The following HP1BP3 variants were observed in gnomAD, a reference collection of about 807,000 sequenced individuals.
HP1BP3 encodes the protein heterochromatin protein 1 binding protein 3.
Under a neutral mutation model 62.5 loss-of-function variants are expected in HP1BP3, and 12 were observed. The observed-to-expected ratio is 0.19, with a 90% confidence interval of 0.12 to 0.31. HP1BP3 has a LOEUF of 0.31. Ranked by LOEUF, HP1BP3 falls within the 10% of genes least tolerant of loss-of-function variation. The probability of loss-of-function intolerance (pLI) is 1.00; values close to 1 mark genes in which losing one functional copy is unlikely to be tolerated. For synonymous variants in HP1BP3, 260 were observed against 237.8 expected (o/e 1.09, Z -0.86); for missense variants, 502 against 651.8 (o/e 0.77, Z 2.50).
At chr1:20,747,416 C>T in intron 11 of HP1BP3, 128 bp downstream of exon 11, 3 of 631,226 alleles carry the variant, frequency 4.8e-6, no homozygotes, top group Middle Eastern at 3.8e-4. Flanking sequence ...GTAACCAATC[C>T]CCTATATGTA....
chr1:20,773,372 G>T, intron 5 of HP1BP3, 79 bp downstream of exon 5: 1 of 1,272,290 alleles, frequency 7.9e-7, no homozygotes, highest in Non-Finnish European at 1.1e-6. Context: ...ATGATGTCTA[G>T]ACAGATATAT....
chr1:20,765,346 AT>A, intron 8 of HP1BP3, 30 bp downstream of exon 8: 2 of 1,489,994 alleles, frequency 1.3e-6, no homozygotes, highest in Non-Finnish European at 1.8e-6. Flanking sequence ...GTAACACATC[AT>A]GTTTTAAAGG....
intron 8 of HP1BP3, among the ~76,000 whole-genome samples, chr1:20,759,391 A>G (rs1208710917): frequency 6.6e-6 from 1 of 152,158 alleles, no homozygotes; most frequent in Non-Finnish European, 1.5e-5. Flanking sequence ...CAACAAGAGC[A>G]AAACTCTGTC....
intron 3 of HP1BP3, 71 bp downstream of exon 3, chr1:20,779,741 G>T: frequency 9.4e-6 from 8 of 855,166 alleles, no homozygotes; most frequent in African/African-American, 1.8e-5. Flanking sequence ...TAAGTTCAAA[G>T]GAATTTATGG....
At chr1:20,781,563 G>C (rs1325931129) in intron 1 of HP1BP3, among the ~76,000 whole-genome samples, 1 of 152,190 alleles carries the variant, frequency 6.6e-6, no homozygotes, top group Non-Finnish European at 1.5e-5. Context: ...TCAGTCAGCT[G>C]AAAGAATTCA....
intron 11 of HP1BP3, among the ~76,000 whole-genome samples, chr1:20,746,554 G>A (rs906121391): frequency 6.6e-6 from 1 of 152,128 alleles, no homozygotes; most frequent in Non-Finnish European, 1.5e-5. Flanking sequence ...AAATCAAAAG[G>A]CTTTAAACCC....
intron 11 of HP1BP3, among the ~76,000 whole-genome samples, chr1:20,746,947 C>T (rs574384880): frequency 4.6e-5 from 7 of 152,196 alleles, no homozygotes; most frequent in East Asian, 1.9e-4. Context: ...GCCCAGGAGG[C>T]GGAGATTGCA....
intron 8 of HP1BP3, among the ~76,000 whole-genome samples, chr1:20,763,872 G>A (rs2056621234): frequency 6.6e-6 from 1 of 152,246 alleles, no homozygotes; most frequent in Admixed American, 6.5e-5. Context: ...TATATATGAT[G>A]TATATGTATG....
At chr1:20,749,551 G>C (rs933796989) in intron 10 of HP1BP3, among the ~76,000 whole-genome samples, 172 bp downstream of exon 10, 9 of 151,780 alleles carry the variant, frequency 5.9e-5, no homozygotes, top group East Asian at 1.9e-4. Flanking sequence ...AGTAGAGATG[G>C]GGTTTCACTA....
At chr1:20,766,787 A>G (rs1294927386) in intron 7 of HP1BP3, among the ~76,000 whole-genome samples, 1 of 152,016 alleles carries the variant, frequency 6.6e-6, no homozygotes, top group East Asian at 1.9e-4. Context: ...TAAAAATACA[A>G]ACATTAGCTG....
At chr1:20,756,125 ATAAAT>A (rs1030421214) in intron 9 of HP1BP3, among the ~76,000 whole-genome samples, 2 of 152,236 alleles carry the variant, frequency 1.3e-5, no homozygotes, top group African/African-American at 2.4e-5. Flanking sequence ...CTGTAATTAT[ATAAAT>A]TAAATTGTAT....
At position 20,745,003 on chromosome 1, in the gene HP1BP3, C is replaced by T. The variant is rs1307970238; in HGVS notation, c.1456G>A (p.Ala486Thr). ...GSKPAPKVSA[A>T]QRGKARPLPK... ...AAGGGCCTAGCTTTCCCCCGCTGGG[C>T]AGCTGAGACTTTAGGTGCAGGTTTG... Residue 486 changes from alanine (A) to threonine (T), a missense_variant, in exon 13 of 13, where the codon GCC (alanine) becomes ACC (threonine). By Grantham distance (58) the Ala-to-Thr change is moderately conservative (BLOSUM62 0). This residue lies in a region of HP1BP3 where 194 missense variants were observed against 207.0 expected (regional missense o/e 0.94). Transcript: ENST00000438032. The T allele has an allele frequency of 1.9e-6, 3 of 1,614,198 alleles. No homozygotes were observed. Among genetic ancestry groups the T allele is most frequent in the Admixed American group, 1.7e-5 (1 of 60,010 alleles).
chr1:20,764,211 C>A (rs2056642768), intron 8 of HP1BP3, among the ~76,000 whole-genome samples: 1 of 152,022 alleles, frequency 6.6e-6, no homozygotes, highest in African/African-American at 2.4e-5. Flanking sequence ...AGCTTTCTAT[C>A]CTTTTTTTCA....
chr1:20,741,614 TAAGG>T lies in HP1BP3; in HGVS notation c.*3179_*3182del, dbSNP rs2055086038. 6.6e-6 allele frequency among the ~76,000 whole-genome samples: 1 copy of T among 152,226 alleles called. No homozygotes were observed. The highest frequency in any genetic ancestry group is 6.5e-5 in the Admixed American group (1 of 15,284). On this transcript the variant is annotated 3_prime_UTR_variant, in exon 13 of 13. Transcript: ENST00000438032. The stretch of plus-strand genomic sequence containing the variant: ...GCAATGAATGCTTCTGTCATAGTGC[TAAGG>T]AAAGGTCTCCACATTTCTCAACAAT...
At chr1:20,777,465 A>T (rs475658) in intron 3 of HP1BP3, among the ~76,000 whole-genome samples, 6,873 of 149,550 alleles carry the variant, frequency 0.046, 528 homozygotes, top group African/African-American at 0.15. Flanking sequence ...TTATTTATTT[A>T]TTTTTTTTTT....
intron 8 of HP1BP3, among the ~76,000 whole-genome samples, chr1:20,764,681 T>G (rs1036268829): frequency 2.2e-5 from 3 of 135,362 alleles, no homozygotes; most frequent in Non-Finnish European, 3.2e-5. Flanking sequence ...AAAGATAAGA[T>G]TTGGGTTTGG....
chr1:20,765,623 T>A, intron 7 of HP1BP3, 92 bp from the exon 8 acceptor site: 1 of 1,024,206 alleles, frequency 9.8e-7, no homozygotes, highest in South Asian at 1.6e-5. Flanking sequence ...TTACCAAATT[T>A]GTCAATTTTA....
At chr1:20,768,474 C>T (rs114727443) in intron 6 of HP1BP3, among the ~76,000 whole-genome samples, 4,498 of 152,202 alleles carry the variant, frequency 0.03, 235 homozygotes, top group African/African-American at 0.1. Flanking sequence ...TTTTTAGCCA[C>T]TGCACACAAT....
At chr1:20,772,893 G>A (rs1465502921) in intron 5 of HP1BP3, among the ~76,000 whole-genome samples, 3 of 152,190 alleles carry the variant, frequency 2.0e-5, no homozygotes, top group African/African-American at 7.2e-5. Flanking sequence ...ATGTAAGGAG[G>A]ATAATTTTTG....
Sources: allele counts gnomAD v4.1 joint callset (sites outside exome capture counted in the v4.1 genomes callset), GRCh38; gene constraint gnomAD v4.1.1; regional missense constraint gnomAD v4.1.1; transcripts MANE v1.5; gene names NCBI Gene and HGNC (gene_info 2026-07-23, HGNC 2026-07-21).